EPHA6: variants seen among roughly 807,000 people sequenced by gnomAD.
EPHA6 encodes the protein EPH receptor A6.
Under a neutral mutation model 112.0 loss-of-function variants are expected in EPHA6, and 50 were observed. That is an observed-to-expected ratio of 0.45 (90% CI 0.36 to 0.56). The LOEUF is 0.56. Among genes scored for constraint, EPHA6 ranks in the 20% least tolerant of loss-of-function variants. EPHA6 has a pLI of 0.00. For synonymous variants in EPHA6, 529 were observed against 490.7 expected (o/e 1.08, Z -1.03); for missense variants, 1,280 against 1,417.4 (o/e 0.90, Z 1.56).
chr3:97,689,216 G>A (rs1210422170), intron 14 of EPHA6, among the ~76,000 whole-genome samples: 3 of 152,128 alleles, frequency 2.0e-5, no homozygotes, highest in Admixed American at 6.5e-5. Context: ...AGTAAACTTC[G>A]ATGTTCATAT....
At chr3:97,179,137 C>A (rs2076915526) in intron 3 of EPHA6, among the ~76,000 whole-genome samples, 1 of 152,126 alleles carries the variant, frequency 6.6e-6, no homozygotes, top group African/African-American at 2.4e-5. Flanking sequence ...CTTTCATCTG[C>A]TTGATCCATT....
intron 10 of EPHA6, among the ~76,000 whole-genome samples, chr3:97,512,713 C>A (rs563892477): frequency 6.6e-6 from 1 of 152,216 alleles, no homozygotes; most frequent in African/African-American, 2.4e-5. Context: ...ACAGTCATTG[C>A]ACCACCACAC....
intron 11 of EPHA6, among the ~76,000 whole-genome samples, chr3:97,541,644 T>C (rs1206049045): frequency 6.6e-6 from 1 of 152,116 alleles, no homozygotes; most frequent in Non-Finnish European, 1.5e-5. Flanking sequence ...TTGTCTTTTA[T>C]GACCTTGAAA....
chr3:97,606,097 G>C (rs1461449541), intron 12 of EPHA6: 1 of 151,374 alleles, frequency 6.6e-6, no homozygotes, highest in East Asian at 1.9e-4. Context: ...AAACAATGCA[G>C]TCTCAAAATA....
At chr3:97,252,768 G>A (rs1192353116) in intron 5 of EPHA6, among the ~76,000 whole-genome samples, 1 of 152,192 alleles carries the variant, frequency 6.6e-6, no homozygotes, top group Non-Finnish European at 1.5e-5. Flanking sequence ...AAAAATATGA[G>A]TGCAAAGATA....
intron 5 of EPHA6, among the ~76,000 whole-genome samples, chr3:97,404,483 AG>A (rs1348132285): frequency 1.3e-5 from 2 of 152,214 alleles, no homozygotes; most frequent in African/African-American, 4.8e-5. Context: ...TGCAAAGAGA[AG>A]AATCTGAGAG....
At chr3:97,491,737 C>T (rs1452722001) in intron 10 of EPHA6, among the ~76,000 whole-genome samples, 1 of 151,508 alleles carries the variant, frequency 6.6e-6, no homozygotes, top group Non-Finnish European at 1.5e-5. Context: ...CCCAGGCCTA[C>T]TTGCATCATA....
At position 97,244,286 on chromosome 3, in the gene EPHA6, T is replaced by A. The variant is rs1428261761; in HGVS notation, c.1605T>A (p.Asp535Glu). The A allele has an allele frequency of 6.2e-7, 1 of 1,612,768 alleles. No homozygotes were observed. The highest frequency in any genetic ancestry group is 1.3e-5 in the African/African-American group (1 of 74,988). ...CTATTACAGTGACCACGGATCAAGATGGTAAGTTCCACTGCTGTTCTCTCA... is the reference window on the plus strand; with the variant it reads ...CTATTACAGTGACCACGGATCAAGAAGGTAAGTTCCACTGCTGTTCTCTCA... Reference protein sequence around the residue: ...FTAITVTTDQDAPSLIGVVRK... With the variant: ...FTAITVTTDQEAPSLIGVVRK... Residue 535 changes from aspartate to glutamate, a missense_variant and splice_region_variant, in exon 5 of 18, where the codon GAT becomes GAA. Around this residue, in one of 4 missense-constraint regions of EPHA6, gnomAD observed 878 missense variants for 999.7 expected, o/e 0.88. Coordinates refer to ENST00000389672, the MANE Select transcript of EPHA6 (RefSeq NM_001080448.3).
chr3:97,187,688 G>GGAAAGAAAGAAAGAAAGAAAGAAAGAAA, intron 3 of EPHA6, among the ~76,000 whole-genome samples: 1 of 108,076 alleles, frequency 9.3e-6, no homozygotes, highest in Non-Finnish European at 1.9e-5. Context: ...AAAGAAAGAA[G>GGAAAGAAAGAAAGAAAGAAAGAAAGAAA]GAAAGAAAGA....
At chr3:97,679,638 C>T in intron 14 of EPHA6, among the ~76,000 whole-genome samples, 1 of 152,132 alleles carries the variant, frequency 6.6e-6, no homozygotes, top group Non-Finnish European at 1.5e-5. Context: ...TAAACAACCT[C>T]AGATATTTTG....
chr3:97,565,665 T>C, intron 11 of EPHA6, among the ~76,000 whole-genome samples: 1 of 152,112 alleles, frequency 6.6e-6, no homozygotes, highest in East Asian at 1.9e-4. Context: ...TTTTAGCTCT[T>C]GTATTAGTCA....
chr3:97,519,866 AAG>A (rs1239473470), intron 10 of EPHA6, among the ~76,000 whole-genome samples: 1 of 151,900 alleles, frequency 6.6e-6, no homozygotes, highest in East Asian at 1.9e-4. Context: ...TATGTGATCT[AAG>A]AGTTTTTGAT....
chr3:96,884,089 T>A (rs1462433212), intron 2 of EPHA6, among the ~76,000 whole-genome samples: 1 of 152,206 alleles, frequency 6.6e-6, no homozygotes, highest in Non-Finnish European at 1.5e-5. Context: ...TGCCTGTTTT[T>A]GTGCCAGTAC....
chr3:97,093,439 G>A (rs1367172396), intron 3 of EPHA6, among the ~76,000 whole-genome samples: 1 of 151,868 alleles, frequency 6.6e-6, no homozygotes, highest in African/African-American at 2.4e-5. Flanking sequence ...AATCCCAGCT[G>A]CCCAGGAGGC....
chr3:97,226,034 G>A (rs2078344023), intron 3 of EPHA6, among the ~76,000 whole-genome samples: 1 of 152,050 alleles, frequency 6.6e-6, no homozygotes, highest in Admixed American at 6.6e-5. Flanking sequence ...TATGCTTGAG[G>A]TATAATTTTA....
At position 96,959,688 on chromosome 3, in the gene EPHA6, G is replaced by A. The variant is rs538581392; in HGVS notation, c.451-27642G>A. Among the ~76,000 whole-genome samples the A allele has an allele frequency of 2.5e-4, 38 of 151,944 alleles. No individual in the cohort carries two copies. In the South Asian group the frequency reaches 7.1e-3, roughly 28 times the overall value. ...AATTTTTGTGTATTGTGTAAGGAAG[G>A]GGTCTGACTCATTTTTGTGCATGTG... On this transcript the variant is annotated intron_variant, in intron 2 of 17. Coordinates refer to ENST00000389672, the MANE Select transcript of EPHA6 (RefSeq NM_001080448.3).
intron 10 of EPHA6, among the ~76,000 whole-genome samples, chr3:97,516,053 T>C (rs2092443702): frequency 6.6e-6 from 1 of 152,150 alleles, no homozygotes; most frequent in Non-Finnish European, 1.5e-5. Context: ...TAACATGTTC[T>C]CTATGGTATC....
intron 5 of EPHA6, among the ~76,000 whole-genome samples, chr3:97,373,259 G>T (rs761953540): frequency 6.6e-6 from 1 of 152,086 alleles, no homozygotes; most frequent in Non-Finnish European, 1.5e-5. Flanking sequence ...CATTTTGGAT[G>T]AGATACAGTT....
At chr3:97,173,523 A>G (rs1164998457) in intron 3 of EPHA6, among the ~76,000 whole-genome samples, 1 of 151,822 alleles carries the variant, frequency 6.6e-6, no homozygotes, top group Non-Finnish European at 1.5e-5. Context: ...TTTGAAAACT[A>G]TACTAATTAC....
Sources: gnomAD v4.1 joint callset for allele counts (sites outside exome capture counted in the v4.1 genomes callset) on GRCh38, gnomAD v4.1.1 for gene constraint, gnomAD v4.1.1 regional missense constraint, MANE v1.5 for transcripts, NCBI Gene and HGNC (gene_info 2026-07-23, HGNC 2026-07-21) for gene names.